HDAC9: variants seen among roughly 807,000 people sequenced by gnomAD.
HDAC9 encodes MEF-2 interacting transcription repressor (MITR) protein.
A neutral mutation model predicts 139.4 loss-of-function variants in HDAC9; 41 were observed. The observed-to-expected ratio is 0.29, with a 90% CI of 0.23 to 0.38. The LOEUF is 0.38. HDAC9 is among the 10% of genes least tolerant of loss of function. The pLI is 1.00. For synonymous variants in HDAC9, 517 were observed against 476.2 expected, an observed-to-expected ratio of 1.09 and a Z score of -1.12; for missense variants, 1,147 against 1,297.0, an observed-to-expected ratio of 0.88 and a Z score of 1.78.
intron 2 of HDAC9, among the ~76,000 whole-genome samples, chr7:18,506,257 GATGTATCATGCTT>G (rs1799738425): frequency 6.6e-6 from 1 of 152,160 alleles, no homozygotes. Context: ...CTCTGGTAAT[GATGTATCATGCTT>G]ATGGAAAGGC....
intron 24 of HDAC9, among the ~76,000 whole-genome samples, chr7:18,973,022 G>C (rs567193118): frequency 6.6e-6 from 1 of 152,204 alleles, no homozygotes; most frequent in South Asian, 2.1e-4. Context: ...AAGGTGGGTG[G>C]AGGACAGCAG....
chr7:18,511,892 G>T (rs185650990), intron 2 of HDAC9, among the ~76,000 whole-genome samples: 2 of 151,882 alleles, frequency 1.3e-5, no homozygotes, highest in African/African-American at 4.8e-5. Flanking sequence ...TGTTGGATTC[G>T]AGTGGTTTTC....
intron 2 of HDAC9, among the ~76,000 whole-genome samples, chr7:18,582,010 C>T (rs1019128195): frequency 3.3e-5 from 5 of 152,136 alleles, no homozygotes; most frequent in African/African-American, 7.2e-5. Context: ...CCAATGTAAG[C>T]AACCCAAGAT....
At chr7:18,459,511 C>G (rs1438225829) in intron 1 of HDAC9, among the ~76,000 whole-genome samples, 4 of 151,894 alleles carry the variant, frequency 2.6e-5, no homozygotes, top group Non-Finnish European at 5.9e-5. Context: ...AATTTTATAA[C>G]AGGTAATGTA....
chr7:18,472,049 A>G (rs1320595936), intron 1 of HDAC9, among the ~76,000 whole-genome samples: 2 of 152,188 alleles, frequency 1.3e-5, no homozygotes, highest in Non-Finnish European at 2.9e-5. Flanking sequence ...TCTGCTGTGA[A>G]CAGGGCTGTT....
chr7:18,216,255 A>G (rs567369457), intron 2 of HDAC9, among the ~76,000 whole-genome samples: 148 of 152,244 alleles, frequency 9.7e-4, no homozygotes, highest in African/African-American at 3.4e-3. Flanking sequence ...TCTTATTGGC[A>G]TATTTGAAAG....
At position 18,997,356 on chromosome 7, in the gene HDAC9, A is replaced by G. The variant is rs901894503; in HGVS notation, c.*1294A>G. 2.6e-5 allele frequency: 4 copies of G among 151,974 alleles called. No individual in the cohort carries two copies. Among genetic ancestry groups the G allele is most frequent in the East Asian group, 1.9e-4 (1 of 5,198 alleles). 9.4% of individuals were successfully genotyped at this position (151,974 alleles called of 1,614,324 possible). The stretch of plus-strand genomic sequence containing the variant: ...CTTTAAACAAGTTTCCTTAGTGTCA[A>G]AAGTTAAAAATAAAGGACATTTATT... On this transcript the variant is annotated 3_prime_UTR_variant, in exon 26 of 26. Transcript: ENST00000686413.
intron 2 of HDAC9, among the ~76,000 whole-genome samples, chr7:18,183,554 A>T (rs1789672720): frequency 6.6e-6 from 1 of 152,058 alleles, no homozygotes; most frequent in Non-Finnish European, 1.5e-5. Flanking sequence ...CTTTTCCCCC[A>T]CAGAAGATAG....
At chr7:18,248,508 T>C (rs1794707675) in intron 2 of HDAC9, among the ~76,000 whole-genome samples, 1 of 152,252 alleles carries the variant, frequency 6.6e-6, no homozygotes, top group African/African-American at 2.4e-5. Context: ...GTGGAATTGT[T>C]GGCAGTTTTT....
intron 14 of HDAC9, among the ~76,000 whole-genome samples, chr7:18,753,358 A>T (rs1788609243): frequency 6.6e-6 from 1 of 152,124 alleles, no homozygotes; most frequent in Non-Finnish European, 1.5e-5. Context: ...ACCAAGAGAC[A>T]GAGGAGGTAA....
At chr7:18,878,237 A>C (rs1799468396) in intron 22 of HDAC9, among the ~76,000 whole-genome samples, 1 of 152,108 alleles carries the variant, frequency 6.6e-6, no homozygotes, top group Admixed American at 6.6e-5. Flanking sequence ...TTGCCACAAC[A>C]TATATTTTTT....
chr7:18,372,340 C>T (rs1784655667), intron 1 of HDAC9, among the ~76,000 whole-genome samples: 1 of 152,206 alleles, frequency 6.6e-6, no homozygotes, highest in Non-Finnish European at 1.5e-5. Flanking sequence ...ACCTGCAAAC[C>T]AAGCCCTGCT....
At chr7:18,602,046 CTT>C (rs1303291978) in intron 6 of HDAC9, among the ~76,000 whole-genome samples, 5 of 152,084 alleles carry the variant, frequency 3.3e-5, no homozygotes, top group Non-Finnish European at 7.4e-5. Context: ...ACCATTTACA[CTT>C]TAAGTATTTG....
chr7:18,907,074 A>G (rs1354632101), intron 22 of HDAC9: 2 of 152,206 alleles, frequency 1.3e-5, no homozygotes, highest in Non-Finnish European at 2.9e-5. Context: ...AGTGCATCCA[A>G]AAGCATAGAA....
At chr7:18,614,269 C>G (rs922786204) in intron 6 of HDAC9, among the ~76,000 whole-genome samples, 1 of 152,048 alleles carries the variant, frequency 6.6e-6, no homozygotes, top group Non-Finnish European at 1.5e-5. Flanking sequence ...TTAAGTGTAA[C>G]AGATTTGGAA....
rs763463599 is a variant in HDAC9 at position 18,590,513 on chromosome 7, ACT to A, written c.415+32_415+33del. The A allele has an allele frequency of 5.1e-5, 80 of 1,575,622 alleles. No homozygotes were observed. In the Admixed American group the frequency reaches 1.4e-3, roughly 27 times the overall value. On this transcript the variant is annotated intron_variant, in intron 4 of 25. Coordinates refer to ENST00000686413, the MANE Select transcript of HDAC9 (RefSeq NM_178425.4). Reference sequence around the variant, plus strand: ...TAAGAGGCACCAGGGTAAACGATGGACTCTCTTTCCTCATCGTTAGCTGATCA... The same window carrying A: ...TAAGAGGCACCAGGGTAAACGATGGACTCTTTCCTCATCGTTAGCTGATCA...
chr7:18,778,725 C>G (rs1478314649), intron 16 of HDAC9, among the ~76,000 whole-genome samples: 2 of 151,920 alleles, frequency 1.3e-5, no homozygotes, highest in Non-Finnish European at 2.9e-5. Context: ...TCTATGAGTC[C>G]CCCGGATCTT....
intron 1 of HDAC9, among the ~76,000 whole-genome samples, chr7:18,391,965 T>G (rs1786526150): frequency 6.6e-6 from 1 of 152,174 alleles, no homozygotes; most frequent in Non-Finnish European, 1.5e-5. Context: ...GCCTTTCACT[T>G]TCCCACACTT....
chr7:18,760,979 G>C (rs551626080), intron 14 of HDAC9, among the ~76,000 whole-genome samples: 14 of 152,308 alleles, frequency 9.2e-5, no homozygotes, highest in African/African-American at 3.1e-4. Context: ...GGGTTACCTG[G>C]TGGTTCCTTG....
Sources: allele counts gnomAD v4.1 joint callset (sites outside exome capture counted in the v4.1 genomes callset), GRCh38; gene constraint gnomAD v4.1.1; transcripts MANE v1.5; gene names NCBI Gene and HGNC (gene_info 2026-07-23, HGNC 2026-07-21).